Variants in FMN1 observed in about 807,000 individuals in gnomAD.
FMN1 encodes the protein formin-1.
Under a neutral mutation model 132.4 loss-of-function variants are expected in FMN1, and 110 were observed. That is an observed-to-expected ratio of 0.83 (90% CI 0.71 to 0.97). The LOEUF (loss-of-function observed/expected upper bound fraction) is 0.97. Among genes scored for constraint, FMN1 ranks in the 50% least tolerant of loss-of-function variants. FMN1 has a pLI of 0.00. For missense variants in FMN1, 1,792 were observed against 1,705.3 expected (o/e 1.05, Z -0.90); for synonymous variants, 722 against 651.7 (o/e 1.11, Z -1.64).
intron 4 of FMN1, among the ~76,000 whole-genome samples, chr15:33,123,670 T>G (rs931643332): frequency 4.6e-5 from 7 of 152,136 alleles, no homozygotes; most frequent in Admixed American, 4.6e-4. Flanking sequence ...TTAACACAGA[T>G]TAAGTTTTCC....
At chr15:32,835,070 AG>A (rs1457872833) in intron 17 of FMN1, among the ~76,000 whole-genome samples, 1 of 152,226 alleles carries the variant, frequency 6.6e-6, no homozygotes, top group African/African-American at 2.4e-5. Context: ...TTGGAAGCAG[AG>A]CAACATCAGA....
chr15:32,873,010 C>T (rs2059552702), intron 16 of FMN1, among the ~76,000 whole-genome samples: 1 of 152,140 alleles, frequency 6.6e-6, no homozygotes, highest in Admixed American at 6.5e-5. Flanking sequence ...GGTATCTAGT[C>T]TTGGCTCCAG....
chr15:33,065,953 G>C (rs1385782764), intron 5 of FMN1, among the ~76,000 whole-genome samples: 2 of 152,144 alleles, frequency 1.3e-5, no homozygotes, highest in Non-Finnish European at 2.9e-5. Context: ...TGAGGAGATT[G>C]AGGCTTGGAG....
chr15:32,804,140 T>G, intron 18 of FMN1, 141 bp downstream of exon 18: 1 of 635,972 alleles, frequency 1.6e-6, no homozygotes, highest in Non-Finnish European at 2.7e-6. Flanking sequence ...GAATTTGTGT[T>G]TAAAGGGTAT....
chr15:32,980,081 T>G (rs1427999198), intron 7 of FMN1, among the ~76,000 whole-genome samples: 1 of 152,164 alleles, frequency 6.6e-6, no homozygotes, highest in Non-Finnish European at 1.5e-5. Flanking sequence ...TTGCTTGTCT[T>G]TCTTTATGAT....
Position 33,161,400 on chromosome 15 carries a change from G to A in FMN1, c.-131-6355C>T, listed in dbSNP as rs551823387. Reference sequence around the variant, plus strand: ...TCCCTATCTCCTGGGCTATAGTTTGGTAGTAGGCGTGCCCTCTAATGAAGA... The same window carrying A: ...TCCCTATCTCCTGGGCTATAGTTTGATAGTAGGCGTGCCCTCTAATGAAGA... On this transcript the variant is annotated intron_variant, in intron 3 of 20. Transcript: ENST00000616417. 1.7e-3 allele frequency among the ~76,000 whole-genome samples: 260 copies of A among 152,234 alleles called. 1 individual carries two copies. The highest frequency in any genetic ancestry group is 2.7e-3 in the Admixed American group (42 of 15,288).
chr15:32,991,558 T>A (rs1282271583), intron 7 of FMN1, among the ~76,000 whole-genome samples: 2 of 152,254 alleles, frequency 1.3e-5, no homozygotes, highest in East Asian at 3.9e-4. Flanking sequence ...GTGTTCTTTC[T>A]CCTCTGCAGG....
chr15:33,188,962 T>C (rs1400384810), intron 2 of FMN1, among the ~76,000 whole-genome samples: 1 of 152,228 alleles, frequency 6.6e-6, no homozygotes, highest in Admixed American at 6.5e-5. Flanking sequence ...GCATAAGAGT[T>C]ACTGTTGCTT....
At chr15:32,888,325 C>A (rs767385739) in intron 15 of FMN1, 33 bp from the exon 16 acceptor site, 24 of 1,542,638 alleles carry the variant, frequency 1.6e-5, no homozygotes, top group Admixed American at 4.1e-5. Flanking sequence ...GTACATTATA[C>A]TTCCCAATTG....
At chr15:32,835,962 G>C (rs1316626389) in intron 17 of FMN1, among the ~76,000 whole-genome samples, 2 of 152,124 alleles carry the variant, frequency 1.3e-5, no homozygotes, top group Non-Finnish European at 2.9e-5. Context: ...CTGGGCTCAA[G>C]TGTTCCTCCC....
At chr15:32,870,717 G>A (rs1028293294) in intron 16 of FMN1, among the ~76,000 whole-genome samples, 1 of 152,114 alleles carries the variant, frequency 6.6e-6, no homozygotes, top group Non-Finnish European at 1.5e-5. Flanking sequence ...ACCTACCCAT[G>A]ACGAGGCCTA....
At chr15:32,784,019 T>C (rs562226805) in intron 19 of FMN1, among the ~76,000 whole-genome samples, 2 of 152,298 alleles carry the variant, frequency 1.3e-5, no homozygotes, top group African/African-American at 4.8e-5. Flanking sequence ...AGGCAGAAGA[T>C]ACTGAAATCA....
At chr15:33,185,157 T>A (rs538704156) in intron 2 of FMN1, among the ~76,000 whole-genome samples, 6 of 152,306 alleles carry the variant, frequency 3.9e-5, no homozygotes, top group Admixed American at 3.9e-4. Flanking sequence ...AGTAATCCAG[T>A]TCTCAACCCC....
Position 32,919,873 on chromosome 15 carries a change from C to T in FMN1, c.3226+6301G>A, listed in dbSNP as rs181592340. On this transcript the variant is annotated intron_variant, in intron 10 of 20. Transcript: ENST00000616417. ...TATTAAGGCAAAAGGAAACAAGGTC[C>T]AGCGGGCATTCTCAGACCTGGGTTT... Among the ~76,000 whole-genome samples, 68 of 152,264 alleles carry T rather than the reference C, an allele frequency of 4.5e-4. 1 individual carries two copies. The highest frequency in any genetic ancestry group is 1.4e-3 in the Admixed American group (21 of 15,284).
intron 15 of FMN1, among the ~76,000 whole-genome samples, chr15:32,895,990 T>A (rs1267342203): frequency 6.6e-6 from 1 of 152,134 alleles, no homozygotes; most frequent in Non-Finnish European, 1.5e-5. Context: ...TTACCTACAC[T>A]TTTGTCATGT....
chr15:32,844,843 G>A (rs188802028), intron 17 of FMN1, among the ~76,000 whole-genome samples: 5 of 152,326 alleles, frequency 3.3e-5, no homozygotes, highest in African/African-American at 9.6e-5. Context: ...ACAAAATCAC[G>A]TAACAACAGC....
intron 16 of FMN1, among the ~76,000 whole-genome samples, chr15:32,861,257 G>A (rs1164876281): frequency 1.3e-5 from 2 of 152,236 alleles, no homozygotes; most frequent in Non-Finnish European, 2.9e-5. Context: ...CCTGGTGAAA[G>A]CAAAGCTGAA....
chr15:32,794,754 T>C (rs1356806998), intron 19 of FMN1, among the ~76,000 whole-genome samples: 1 of 152,082 alleles, frequency 6.6e-6, no homozygotes, highest in Admixed American at 6.5e-5. Flanking sequence ...AATACAAAAG[T>C]GCATTAAAAG....
chr15:32,777,023 C>T (rs886332567), intron 19 of FMN1, 104 bp from the exon 20 acceptor site: 3 of 619,836 alleles, frequency 4.8e-6, no homozygotes, highest in Non-Finnish European at 8.3e-6. Context: ...AACCCAAATG[C>T]TTTTGAATTA....
Sources: allele counts gnomAD v4.1 joint callset (sites outside exome capture counted in the v4.1 genomes callset), GRCh38; gene constraint gnomAD v4.1.1; transcripts MANE v1.5; gene names NCBI Gene and HGNC (gene_info 2026-07-23, HGNC 2026-07-21).